Variants in DLGAP2 observed in about 807,000 individuals in gnomAD.
The protein encoded by DLGAP2 is DLG associated protein 2.
DLGAP2 carries 26 observed loss-of-function variants against 100.3 expected under a neutral mutation model. The ratio of observed to expected loss-of-function variants is 0.26; its 90% CI spans 0.19 to 0.36. The LOEUF (loss-of-function observed/expected upper bound fraction) is 0.36. Ranked by LOEUF, DLGAP2 falls within the 10% of genes least tolerant of loss-of-function variation. The pLI is 1.00. For missense variants in DLGAP2, 1,858 were observed against 1,453.2 expected, an observed-to-expected ratio of 1.28 and a Z score of -4.53; for synonymous variants, 886 against 630.1, an observed-to-expected ratio of 1.41 and a Z score of -6.08.
At chr8:1,241,236 G>A (rs1563274555) in intron 2 of DLGAP2, among the ~76,000 whole-genome samples, 4 of 116,824 alleles carry the variant, frequency 3.4e-5, no homozygotes, top group Admixed American at 9.8e-5. Flanking sequence ...GCCGTGTCTA[G>A]TTCTGTCACA....
At chr8:948,686 C>A (rs992343328) in intron 2 of DLGAP2, among the ~76,000 whole-genome samples, 1 of 152,246 alleles carries the variant, frequency 6.6e-6, no homozygotes, top group African/African-American at 2.4e-5. Flanking sequence ...CTGCCCGGCC[C>A]CACGTCTCCC....
At chr8:1,040,673 G>A (rs527682668) in intron 2 of DLGAP2, among the ~76,000 whole-genome samples, 2 of 151,208 alleles carry the variant, frequency 1.3e-5, no homozygotes. Flanking sequence ...GGTGTGTGTG[G>A]TCGGCTCGGT....
At chr8:1,254,123 T>C (rs551419421) in intron 2 of DLGAP2, among the ~76,000 whole-genome samples, 1 of 152,314 alleles carries the variant, frequency 6.6e-6, no homozygotes, top group South Asian at 2.1e-4. Context: ...TTGAACCCAG[T>C]GTGCCTGTGG....
chr8:964,116 C>G (rs1324235660), intron 2 of DLGAP2, among the ~76,000 whole-genome samples: 1 of 152,166 alleles, frequency 6.6e-6, no homozygotes, highest in African/African-American at 2.4e-5. Flanking sequence ...AAATAAAATG[C>G]ATGCTTCCCT....
intron 2 of DLGAP2, among the ~76,000 whole-genome samples, chr8:1,161,305 A>T (rs371083152): frequency 1.3e-5 from 2 of 152,238 alleles, no homozygotes; most frequent in South Asian, 4.1e-4. Context: ...GGCATGAACT[A>T]GGTGTTGTAG....
chr8:850,555 A>G (rs1305965534), intron 1 of DLGAP2, among the ~76,000 whole-genome samples: 1 of 152,174 alleles, frequency 6.6e-6, no homozygotes, highest in Non-Finnish European at 1.5e-5. Flanking sequence ...ATCTATGTTT[A>G]TGTATATTTG....
At chr8:1,024,764 G>A (rs534270890) in intron 2 of DLGAP2, among the ~76,000 whole-genome samples, 3 of 152,300 alleles carry the variant, frequency 2.0e-5, no homozygotes, top group East Asian at 1.9e-4. Flanking sequence ...TGGGTGAAAC[G>A]GACCTTCTTA....
intron 2 of DLGAP2, among the ~76,000 whole-genome samples, chr8:1,204,867 G>A (rs78716728): frequency 0.021 from 3,188 of 152,292 alleles, 45 homozygotes; most frequent in Middle Eastern, 0.065. Context: ...CTTGAACACC[G>A]GCCCTCTCCA....
intron 2 of DLGAP2, among the ~76,000 whole-genome samples, chr8:1,209,076 C>G (rs1180901733): frequency 3.3e-5 from 5 of 152,004 alleles, no homozygotes; most frequent in African/African-American, 4.8e-5. Context: ...ACCATACTGC[C>G]AAACACAATG....
intron 1 of DLGAP2, among the ~76,000 whole-genome samples, chr8:852,554 T>C (rs1246330143): frequency 7.7e-6 from 1 of 129,780 alleles, no homozygotes; most frequent in African/African-American, 2.7e-5. Context: ...CTTAATCGAT[T>C]GTCTGATTGT....
At chr8:1,189,809 G>T (rs900768844) in intron 2 of DLGAP2, among the ~76,000 whole-genome samples, 4 of 152,196 alleles carry the variant, frequency 2.6e-5, no homozygotes, top group Admixed American at 2.6e-4. Flanking sequence ...AGGGCTGCAG[G>T]AGGGGTCCCC....
At position 1,653,422 on chromosome 8, in the gene DLGAP2, C is replaced by T. The variant is rs77202071; in HGVS notation, c.1811-14907C>T. On this transcript the variant is annotated intron_variant, in intron 8 of 14. Coordinates refer to ENST00000637795, the MANE Select transcript of DLGAP2 (RefSeq NM_001346810.2). ...CGGGTATCCCGTGGCCATCCCACAC[C>T]CTCACTGCTCTCAAGGCTGCCGGCT... is the stretch of plus-strand genomic sequence containing the variant. Among the ~76,000 whole-genome samples, 318 of 152,362 alleles carry T rather than the reference C, an allele frequency of 2.1e-3. 4 individuals are homozygous for T. The East Asian group carries it at 0.052, about 25-fold the overall frequency.
At chr8:1,124,422 G>A (rs777113354) in intron 2 of DLGAP2, among the ~76,000 whole-genome samples, 8 of 152,166 alleles carry the variant, frequency 5.3e-5, no homozygotes, top group Non-Finnish European at 1.2e-4. Context: ...TCCTCAGACT[G>A]TATGTTTGAG....
At chr8:1,202,011 ATG>A (rs968584156) in intron 2 of DLGAP2, among the ~76,000 whole-genome samples, 46 of 150,634 alleles carry the variant, frequency 3.1e-4, no homozygotes, top group African/African-American at 1.1e-3. Flanking sequence ...GTGTATACAC[ATG>A]TGTCTATGTA....
intron 3 of DLGAP2, among the ~76,000 whole-genome samples, chr8:1,357,790 A>G (rs1053791660): frequency 1.2e-4 from 19 of 152,180 alleles, no homozygotes; most frequent in African/African-American, 3.4e-4. Flanking sequence ...AGTGCCATGC[A>G]GTGCTCTTCA....
chr8:1,070,989 G>A (rs1803410524), intron 2 of DLGAP2, among the ~76,000 whole-genome samples: 1 of 152,168 alleles, frequency 6.6e-6, no homozygotes, highest in Non-Finnish European at 1.5e-5. Context: ...ATCAGAAGGG[G>A]CATTTTAGCA....
At chr8:1,306,304 C>T (rs941388603) in intron 3 of DLGAP2, among the ~76,000 whole-genome samples, 1 of 151,664 alleles carries the variant, frequency 6.6e-6, no homozygotes, top group Non-Finnish European at 1.5e-5. Flanking sequence ...TCAGAATGAA[C>T]AATTTAAAAA....
At chr8:1,590,419 C>T (rs116067810) in intron 6 of DLGAP2, among the ~76,000 whole-genome samples, 340 of 152,286 alleles carry the variant, frequency 2.2e-3, no homozygotes, top group African/African-American at 8.0e-3. Flanking sequence ...TGGCTTTTCT[C>T]TTCCGGAATG....
At chr8:1,176,533 C>G (rs1797261048) in intron 2 of DLGAP2, among the ~76,000 whole-genome samples, 2 of 152,322 alleles carry the variant, frequency 1.3e-5, no homozygotes, top group South Asian at 2.1e-4. Flanking sequence ...CACAGCCGCC[C>G]TGTGAATTTA....
Sources: allele counts gnomAD v4.1 joint callset (sites outside exome capture counted in the v4.1 genomes callset), GRCh38; gene constraint gnomAD v4.1.1; transcripts MANE v1.5; gene names NCBI Gene and HGNC (gene_info 2026-07-23, HGNC 2026-07-21).